The following COL5A2 variants were observed in gnomAD, a reference collection of about 807,000 sequenced individuals.
The protein encoded by COL5A2 is collagen type V alpha 2 chain.
A neutral mutation model predicts 208.2 loss-of-function variants in COL5A2; 23 were observed. The ratio of observed to expected loss-of-function variants is 0.11; its 90% CI spans 0.08 to 0.16. COL5A2 has a LOEUF of 0.16. Among genes scored for constraint, COL5A2 ranks in the 10% least tolerant of loss-of-function variants. The pLI is 1.00. For missense variants in COL5A2, 1,590 were observed against 1,956.4 expected (o/e 0.81, Z 3.53); for synonymous variants, 625 against 628.5 (o/e 0.99, Z 0.08).
At chr2:189,335,094 T>C in the COL5A2 span, among the ~76,000 whole-genome samples, 6 of 152,044 alleles carry the variant, frequency 3.9e-5, no homozygotes, top group Non-Finnish European at 5.9e-5. Context: ...ATTGATCTAA[T>C]TGTAAAAGCT....
intron 1 of COL5A2, among the ~76,000 whole-genome samples, chr2:189,223,837 A>AT (rs1364311865): frequency 6.6e-6 from 1 of 152,182 alleles, no homozygotes; most frequent in Non-Finnish European, 1.5e-5. Flanking sequence ...TAAGTTGCTC[A>AT]TAAGATTCTG....
chr2:189,072,998 C>G (rs979108115), intron 17 of COL5A2, among the ~76,000 whole-genome samples: 2 of 151,832 alleles, frequency 1.3e-5, no homozygotes, highest in Admixed American at 1.3e-4. Flanking sequence ...TAATAGAAGC[C>G]CTTTCAAAAT....
chr2:189,108,035 C>A (rs1047029625), intron 2 of COL5A2, among the ~76,000 whole-genome samples: 1 of 151,654 alleles, frequency 6.6e-6, no homozygotes, highest in African/African-American at 2.4e-5. Flanking sequence ...ATGATATTAT[C>A]TGACTTTCAC....
the COL5A2 span, among the ~76,000 whole-genome samples, chr2:189,274,005 C>G: frequency 1.4e-5 from 2 of 144,060 alleles, no homozygotes; most frequent in Admixed American, 1.4e-4. Context: ...AGTATTCTTA[C>G]CACAAAAAAA....
intron 6 of COL5A2, among the ~76,000 whole-genome samples, chr2:189,094,588 GAC>G (rs1175370532): frequency 0.047 from 553 of 11,680 alleles, 50 homozygotes; most frequent in Admixed American, 0.11. Flanking sequence ...CTTTCTCTCT[GAC>G]ACACACACAC....
upstream of COL5A2, among the ~76,000 whole-genome samples, chr2:189,229,980 C>G (rs7587956): frequency 0.6 from 90,221 of 151,536 alleles, 27,680 homozygotes; most frequent in East Asian, 0.72. Context: ...CTGCCATAAA[C>G]ACAGACATAT....
At chr2:189,386,475 T>C in the COL5A2 span, among the ~76,000 whole-genome samples, 3 of 151,994 alleles carry the variant, frequency 2.0e-5, no homozygotes, top group Admixed American at 1.3e-4. Context: ...CAAAAATTGG[T>C]AAGTGGGACC....
chr2:189,174,716 T>A (rs191445813), intron 1 of COL5A2, among the ~76,000 whole-genome samples: 10 of 152,292 alleles, frequency 6.6e-5, no homozygotes, highest in Admixed American at 2.6e-4. Flanking sequence ...CTTTATACCA[T>A]TTTTTATCAA....
At chr2:189,384,741 T>C in the COL5A2 span, among the ~76,000 whole-genome samples, 1 of 152,154 alleles carries the variant, frequency 6.6e-6, no homozygotes, top group Non-Finnish European at 1.5e-5. Flanking sequence ...TGGAGTATCC[T>C]TGTAGCTTGA....
At chr2:189,359,541 G>A in the COL5A2 span, among the ~76,000 whole-genome samples, 6 of 152,054 alleles carry the variant, frequency 3.9e-5, no homozygotes, top group Middle Eastern at 3.2e-3. Flanking sequence ...TTTTTGGTGC[G>A]TCCTTGTCTG....
intron 16 of COL5A2, 62 bp downstream of exon 16, chr2:189,078,454 C>G: frequency 1.5e-6 from 2 of 1,368,994 alleles, no homozygotes; most frequent in Non-Finnish European, 2.1e-6. Context: ...TTCAGTAAAC[C>G]AAATCTGAAA....
intron 1 of COL5A2, among the ~76,000 whole-genome samples, chr2:189,139,023 G>A (rs1687881036): frequency 6.6e-6 from 1 of 152,136 alleles, no homozygotes; most frequent in African/African-American, 2.4e-5. Flanking sequence ...TGTACATAGT[G>A]GCTTCCTTCC....
At chr2:189,196,799 A>C (rs1052630513) in intron 1 of COL5A2, among the ~76,000 whole-genome samples, 2 of 152,186 alleles carry the variant, frequency 1.3e-5, no homozygotes, top group East Asian at 1.9e-4. Flanking sequence ...AAGAAACAAT[A>C]GATGCTAGTG....
intron 11 of COL5A2, 40 bp from the exon 12 acceptor site, chr2:189,084,077 T>C (rs1299344750): frequency 2.2e-6 from 3 of 1,382,306 alleles, no homozygotes; most frequent in Non-Finnish European, 2.1e-6. Context: ...AAGGCAAAAG[T>C]GATTAAAAGG....
At chr2:189,334,169 G>A in the COL5A2 span, among the ~76,000 whole-genome samples, 1 of 151,944 alleles carries the variant, frequency 6.6e-6, no homozygotes, top group African/African-American at 2.4e-5. Flanking sequence ...CTATATAATA[G>A]TAAAACGCTG....
the COL5A2 span, among the ~76,000 whole-genome samples, chr2:189,286,136 A>G: frequency 6.6e-5 from 10 of 152,132 alleles, no homozygotes; most frequent in South Asian, 4.2e-4. Context: ...CTAAATTGAC[A>G]TAGGCAGGTC....
the COL5A2 span, among the ~76,000 whole-genome samples, chr2:189,266,341 G>T: frequency 8.4e-4 from 128 of 152,024 alleles, 1 homozygote; most frequent in African/African-American, 2.7e-3. Flanking sequence ...CAGGAGAATT[G>T]CCTGAACCTG....
chr2:189,063,147 C>T (rs372164887), intron 27 of COL5A2, 25 bp downstream of exon 27: 1 of 1,611,562 alleles, frequency 6.2e-7, no homozygotes, highest in African/African-American at 1.3e-5. Context: ...GATGAGGTGG[C>T]CAACATATTA....
chr2:189,270,092 AT>A, the COL5A2 span, among the ~76,000 whole-genome samples: 1 of 152,016 alleles, frequency 6.6e-6, no homozygotes, highest in African/African-American at 2.4e-5. Flanking sequence ...TCCCTTTATC[AT>A]TTTTTATTGT....
Sources: allele counts gnomAD v4.1 joint callset (sites outside exome capture counted in the v4.1 genomes callset), GRCh38; gene constraint gnomAD v4.1.1; transcripts MANE v1.5; gene names NCBI Gene and HGNC (gene_info 2026-07-23, HGNC 2026-07-21).